The following TBX15 variants were observed in gnomAD, a reference collection of about 807,000 sequenced individuals.
TBX15 encodes T-box transcription factor TBX15.
Under a neutral mutation model 53.9 loss-of-function variants are expected in TBX15, and 18 were observed. The observed-to-expected ratio is 0.33, with a 90% CI of 0.23 to 0.49. TBX15 has a LOEUF of 0.49. TBX15 is among the 20% of genes least tolerant of loss of function. TBX15 has a pLI of 0.98. For synonymous variants in TBX15, 295 were observed against 278.0 expected (o/e 1.06, Z -0.61); for missense variants, 692 against 749.5 (o/e 0.92, Z 0.90).
upstream of TBX15, among the ~76,000 whole-genome samples, chr1:118,988,617 C>G (rs1000112696): frequency 6.6e-6 from 1 of 152,176 alleles, no homozygotes; most frequent in Admixed American, 6.5e-5. Context: ...CAAATCCATA[C>G]GTTTTTCTTC....
chr1:118,955,576 C>T (rs1429855601), intron 1 of TBX15, among the ~76,000 whole-genome samples: 1 of 152,138 alleles, frequency 6.6e-6, no homozygotes, highest in Non-Finnish European at 1.5e-5. Flanking sequence ...CCTTGGTCTG[C>T]TTTTCTGCGA....
intron 1 of TBX15, among the ~76,000 whole-genome samples, chr1:118,936,168 G>A (rs1266576641): frequency 6.6e-6 from 1 of 152,162 alleles, no homozygotes; most frequent in Non-Finnish European, 1.5e-5. Context: ...AATTGGAAGT[G>A]TATAAGGTCC....
intron 6 of TBX15, among the ~76,000 whole-genome samples, chr1:118,911,092 T>C (rs970865529): frequency 6.6e-6 from 1 of 152,184 alleles, no homozygotes; most frequent in Non-Finnish European, 1.5e-5. Context: ...GTTAGCATGA[T>C]AAAGCACAAA....
At chr1:118,936,853 A>G (rs971386771) in intron 1 of TBX15, among the ~76,000 whole-genome samples, 1 of 152,198 alleles carries the variant, frequency 6.6e-6, no homozygotes, top group Non-Finnish European at 1.5e-5. Flanking sequence ...AGAAGACTAC[A>G]TTTAATTCAA....
intron 1 of TBX15, among the ~76,000 whole-genome samples, chr1:118,943,715 C>G (rs1039532449): frequency 1.2e-4 from 18 of 152,078 alleles, no homozygotes; most frequent in African/African-American, 3.9e-4. Context: ...CTGCAGGAAG[C>G]CCTGACTCCA....
rs1653844529 is a variant in TBX15 at position 118,884,391 on chromosome 1, A to C, written c.*341T>G. On this transcript the variant is annotated 3_prime_UTR_variant, in exon 8 of 8. Transcript: ENST00000369429. ...GTCTGTATGTGGGTGTGTATGTGTA[A>C]CTTTTCATGGCTGCCACACACTAGC... The C allele has an allele frequency of 5.5e-6, 2 of 364,984 alleles. No individual in the cohort carries two copies. The highest frequency in any genetic ancestry group is 4.3e-5 in the Admixed American group (1 of 23,214). 22.6% of individuals were successfully genotyped at this position (364,984 alleles called of 1,614,324 possible).
intron 6 of TBX15, among the ~76,000 whole-genome samples, chr1:118,902,786 T>G (rs1177369207): frequency 2.0e-5 from 3 of 152,162 alleles, no homozygotes; most frequent in African/African-American, 7.2e-5. Flanking sequence ...TGAGAGTTCT[T>G]GCCAACCACC....
intron 1 of TBX15, among the ~76,000 whole-genome samples, chr1:118,984,636 C>T (rs1657768219): frequency 6.6e-6 from 1 of 152,228 alleles, no homozygotes; most frequent in African/African-American, 2.4e-5. Flanking sequence ...TCCTCCGAGG[C>T]TGGTCTTGAG....
chr1:118,948,365 T>G (rs1022864091), intron 1 of TBX15, among the ~76,000 whole-genome samples: 1 of 152,064 alleles, frequency 6.6e-6, no homozygotes, highest in Non-Finnish European at 1.5e-5. Context: ...CAAATTGCTC[T>G]AATTATTTTC....
At chr1:118,910,352 A>T (rs372987346) in intron 6 of TBX15, among the ~76,000 whole-genome samples, 2 of 152,184 alleles carry the variant, frequency 1.3e-5, no homozygotes, top group Admixed American at 6.5e-5. Flanking sequence ...GCTCCTCTGC[A>T]TGAGTAGTCA....
chr1:118,975,489 A>C (rs1182496357), intron 1 of TBX15, among the ~76,000 whole-genome samples: 1 of 152,248 alleles, frequency 6.6e-6, no homozygotes, highest in Non-Finnish European at 1.5e-5. Flanking sequence ...GCTCTTAAGC[A>C]TCATCTACAG....
At chr1:118,986,743 A>AC (rs1657850521) in intron 1 of TBX15, among the ~76,000 whole-genome samples, 1 of 152,206 alleles carries the variant, frequency 6.6e-6, no homozygotes, top group Admixed American at 6.5e-5. Context: ...AAACCGCTAA[A>AC]CCAAGTTGCG....
chr1:118,887,134 T>A (rs1419970513), intron 7 of TBX15, among the ~76,000 whole-genome samples: 1 of 152,208 alleles, frequency 6.6e-6, no homozygotes, highest in Non-Finnish European at 1.5e-5. Flanking sequence ...TTATTTGAAT[T>A]CTGGAAAGAG....
intron 1 of TBX15, among the ~76,000 whole-genome samples, chr1:118,979,249 C>G (rs911158108): frequency 2.0e-5 from 3 of 151,382 alleles, no homozygotes; most frequent in Non-Finnish European, 4.4e-5. Context: ...TTTTTAATCC[C>G]CAAGAGCAGC....
intron 5 of TBX15, among the ~76,000 whole-genome samples, chr1:118,920,462 A>G (rs1156470737): frequency 2.6e-5 from 4 of 152,224 alleles, no homozygotes; most frequent in East Asian, 3.8e-4. Flanking sequence ...TTCAGGCAAC[A>G]GTAAAAATCT....
chr1:118,940,013 A>G lies in TBX15; in HGVS notation c.206-8181T>C, dbSNP rs192079945. On this transcript the variant is annotated intron_variant, in intron 1 of 7. Transcript: ENST00000369429. ...TGGGAGGTGTCAGAGTGTGAATTGA[A>G]TTAGTCTGACACTAGAGTTGATGCT... Among the ~76,000 whole-genome samples, 143 of 152,034 alleles carry G rather than the reference A, an allele frequency of 9.4e-4. 5 individuals are homozygous for G. Among genetic ancestry groups the G allele is most frequent in the African/African-American group, 3.4e-3 (140 of 41,314 alleles).
Position 118,893,332 on chromosome 1 carries a change from A to AGAAGGAAGGAAG in TBX15, c.1024+5684_1024+5695dup, listed in dbSNP as rs1229778000. Among the ~76,000 whole-genome samples the AGAAGGAAGGAAG allele has an allele frequency of 2.1e-3, 162 of 77,826 alleles. 17 individuals are homozygous for AGAAGGAAGGAAG. Among genetic ancestry groups the AGAAGGAAGGAAG allele is most frequent in the African/African-American group, 0.014 (153 of 10,834 alleles). 51.1% of individuals were successfully genotyped at this position (77,826 alleles called of 152,430 possible). On this transcript the variant is annotated intron_variant, in intron 7 of 7. Transcript: ENST00000369429. ...AAGGAAGGAAAGAAAGAAAGAAGAA[A>AGAAGGAAGGAAG]GAAGGAAGGAAGGAAGGAAGGAAGG...
At position 118,976,306 on chromosome 1, in the gene TBX15, T is replaced by C. The variant is rs150371074; in HGVS notation, c.205+11285A>G. ...TCTCTTTCTTCTTTTATTCTTGTTG[T>C]TGTTGTTGTTTTAATTCAGCCATGC... On this transcript the variant is annotated intron_variant, in intron 1 of 7. Coordinates refer to ENST00000369429, the MANE Select transcript of TBX15 (RefSeq NM_001330677.2). Among the ~76,000 whole-genome samples the C allele has an allele frequency of 2.0e-3, 300 of 152,272 alleles. 2 individuals carry two copies. Among genetic ancestry groups the C allele is most frequent in the East Asian group, 0.018 (95 of 5,178 alleles).
intron 1 of TBX15, among the ~76,000 whole-genome samples, chr1:118,968,929 A>G (rs1268685933): frequency 6.6e-6 from 1 of 152,172 alleles, no homozygotes. Context: ...TTTGAAAAGT[A>G]TTAATATGGT....
Sources: allele counts gnomAD v4.1 joint callset (sites outside exome capture counted in the v4.1 genomes callset), GRCh38; gene constraint gnomAD v4.1.1; transcripts MANE v1.5; gene names NCBI Gene and HGNC (gene_info 2026-07-23, HGNC 2026-07-21).